The following CDH9 variants were observed in gnomAD, a reference collection of about 807,000 sequenced individuals.
CDH9 encodes cadherin-9.
A neutral mutation model predicts 70.9 loss-of-function variants in CDH9; 28 were observed. The ratio of observed to expected loss-of-function variants is 0.40; its 90% CI spans 0.29 to 0.54. CDH9 has a LOEUF of 0.54. Ranked by LOEUF, CDH9 falls within the 20% of genes least tolerant of loss-of-function variation. The pLI is 0.59. For missense variants in CDH9, 874 were observed against 984.4 expected (o/e 0.89, Z 1.50); for synonymous variants, 409 against 343.1 (o/e 1.19, Z -2.12).
At chr5:26,895,588 A>G (rs1337417624) in intron 7 of CDH9, among the ~76,000 whole-genome samples, 1 of 152,038 alleles carries the variant, frequency 6.6e-6, no homozygotes, top group Non-Finnish European at 1.5e-5. Context: ...AAAATGAGGC[A>G]ACATGTTATT....
chr5:26,926,009 G>A (rs1350221447), intron 2 of CDH9, among the ~76,000 whole-genome samples: 1 of 152,154 alleles, frequency 6.6e-6, no homozygotes, highest in Non-Finnish European at 1.5e-5. Flanking sequence ...GAAACTGGAA[G>A]CATTCCCTTT....
At chr5:27,025,002 C>G (rs1743198116) in intron 1 of CDH9, among the ~76,000 whole-genome samples, 1 of 152,036 alleles carries the variant, frequency 6.6e-6, no homozygotes, top group South Asian at 2.1e-4. Flanking sequence ...TTTAGCAAAA[C>G]AGGATTCACC....
At chr5:26,943,024 G>A (rs1411543030) in intron 2 of CDH9, among the ~76,000 whole-genome samples, 1 of 152,024 alleles carries the variant, frequency 6.6e-6, no homozygotes, top group Non-Finnish European at 1.5e-5. Flanking sequence ...CTGTTATATG[G>A]GACAAGACCA....
At position 26,917,564 on chromosome 5, in the gene CDH9, G is replaced by A. The variant is rs140719440; in HGVS notation, c.229-1640C>T. 3.1e-3 allele frequency among the ~76,000 whole-genome samples: 474 copies of A among 152,044 alleles called. 1 individual carries two copies. Among genetic ancestry groups the A allele is most frequent in the African/African-American group, 0.011 (458 of 41,514 alleles). On this transcript the variant is annotated intron_variant, in intron 2 of 11. Coordinates refer to ENST00000231021, the MANE Select transcript of CDH9 (RefSeq NM_016279.4). ...TGAATTATTTGACTATTTAAATTAT[G>A]TTTTTAAATCATAGCCAAAATTAGA...
chr5:26,977,072 T>C (rs932173785), intron 2 of CDH9, among the ~76,000 whole-genome samples: 28 of 152,204 alleles, frequency 1.8e-4, no homozygotes, highest in African/African-American at 6.5e-4. Flanking sequence ...AATAGAATTA[T>C]ATTCCACATT....
chr5:26,967,145 G>A (rs905783497), intron 2 of CDH9, among the ~76,000 whole-genome samples: 1 of 151,748 alleles, frequency 6.6e-6, no homozygotes. Context: ...GTGGATACAG[G>A]TTCTCACTAC....
intron 1 of CDH9, among the ~76,000 whole-genome samples, chr5:26,996,183 G>T (rs572179530): frequency 3.5e-4 from 53 of 151,914 alleles, no homozygotes; most frequent in African/African-American, 1.2e-3. Context: ...AAGTTTCTCA[G>T]CTGAAATGTA....
intron 2 of CDH9, among the ~76,000 whole-genome samples, chr5:26,979,576 T>C (rs2112082491): frequency 6.6e-6 from 1 of 152,024 alleles, no homozygotes; most frequent in East Asian, 1.9e-4. Flanking sequence ...GCCAATTAAA[T>C]GCCAAATATT....
chr5:26,883,465 G>T lies in CDH9; in HGVS notation c.1883-1842C>A, dbSNP rs1740507013. On this transcript the variant is annotated intron_variant, in intron 11 of 11. Transcript: ENST00000231021. Reference sequence around the variant, plus strand: ...ATTCAGGAAGAATAGGATAAGAAATGAAAAAAAGTACATCATTATTTCCAT... The same window carrying T: ...ATTCAGGAAGAATAGGATAAGAAATTAAAAAAAGTACATCATTATTTCCAT... Among the ~76,000 whole-genome samples, 3 of 151,634 alleles carry T rather than the reference G, an allele frequency of 2.0e-5. No individual in the cohort carries two copies. The South Asian group carries it at 6.2e-4, about 31-fold the overall frequency.
At chr5:26,902,321 G>A (rs1740869576) in intron 7 of CDH9, among the ~76,000 whole-genome samples, 155 bp downstream of exon 7, 1 of 151,450 alleles carries the variant, frequency 6.6e-6, no homozygotes, top group East Asian at 1.9e-4. Flanking sequence ...ATTATACATT[G>A]TGCAACCATT....
At chr5:27,005,643 G>A (rs1382734604) in intron 1 of CDH9, among the ~76,000 whole-genome samples, 1 of 151,994 alleles carries the variant, frequency 6.6e-6, no homozygotes, top group African/African-American at 2.4e-5. Flanking sequence ...ATTACCATTC[G>A]ACCCAGCAAT....
intron 1 of CDH9, among the ~76,000 whole-genome samples, chr5:26,992,430 C>T (rs573433636): frequency 8.5e-4 from 130 of 152,294 alleles, no homozygotes; most frequent in African/African-American, 3.1e-3. Flanking sequence ...CACAGCAGAA[C>T]AATGGCCATC....
chr5:27,028,922 G>A (rs1231531467), intron 1 of CDH9, among the ~76,000 whole-genome samples: 1 of 151,930 alleles, frequency 6.6e-6, no homozygotes, highest in East Asian at 1.9e-4. Flanking sequence ...TTTGTAGAAT[G>A]TATCAATAGT....
intron 2 of CDH9, among the ~76,000 whole-genome samples, chr5:26,972,225 A>G (rs970889255): frequency 3.3e-5 from 5 of 152,192 alleles, no homozygotes; most frequent in African/African-American, 1.2e-4. Flanking sequence ...GGGGTCTAAT[A>G]TAAGAAAGTC....
chr5:26,999,651 G>T (rs906229755), intron 1 of CDH9, among the ~76,000 whole-genome samples: 6 of 152,048 alleles, frequency 3.9e-5, no homozygotes, highest in Non-Finnish European at 8.8e-5. Context: ...TCAACAAATG[G>T]TGCTGAAAAA....
intron 7 of CDH9, among the ~76,000 whole-genome samples, chr5:26,900,381 A>G (rs1740833596): frequency 6.6e-6 from 1 of 152,068 alleles, no homozygotes. Flanking sequence ...AAAACATTAC[A>G]GAAAAACAAA....
intron 1 of CDH9, among the ~76,000 whole-genome samples, chr5:27,001,693 C>T (rs1742771178): frequency 6.6e-6 from 1 of 152,006 alleles, no homozygotes; most frequent in South Asian, 2.1e-4. Flanking sequence ...TCATCTATAA[C>T]CTAGCTCTTA....
chr5:26,975,050 C>G (rs1354625908), intron 2 of CDH9, among the ~76,000 whole-genome samples: 1 of 152,074 alleles, frequency 6.6e-6, no homozygotes, highest in Non-Finnish European at 1.5e-5. Flanking sequence ...AGAAAGTTTA[C>G]AAGATAAAGG....
intron 1 of CDH9, among the ~76,000 whole-genome samples, chr5:26,990,723 G>A (rs950923210): frequency 2.6e-5 from 4 of 152,190 alleles, no homozygotes; most frequent in Non-Finnish European, 5.9e-5. Context: ...CTCAAGGACA[G>A]CTGTTATCTT....
Sources: gnomAD v4.1 joint callset for allele counts (sites outside exome capture counted in the v4.1 genomes callset) on GRCh38, gnomAD v4.1.1 for gene constraint, MANE v1.5 for transcripts, NCBI Gene and HGNC (gene_info 2026-07-23, HGNC 2026-07-21) for gene names.